KCNN2: variants seen among roughly 807,000 people sequenced by gnomAD.
KCNN2 encodes the protein potassium calcium-activated channel subfamily N member 2, also known as small conductance calcium-activated potassium channel protein 2.
KCNN2 carries 24 observed loss-of-function variants against 55.5 expected under a neutral mutation model. The ratio of observed to expected loss-of-function variants is 0.43; its 90% CI spans 0.31 to 0.61. KCNN2 has a LOEUF of 0.61. KCNN2 is among the 20% of genes least tolerant of loss of function. KCNN2 has a pLI of 0.08. For missense variants in KCNN2, 754 were observed against 853.6 expected (o/e 0.88, Z 1.45); for synonymous variants, 431 against 336.1 (o/e 1.28, Z -3.09).
chr5:114,082,138 C>G (rs1750839800), intron 1 of KCNN2, among the ~76,000 whole-genome samples: 1 of 151,796 alleles, frequency 6.6e-6, no homozygotes, highest in African/African-American at 2.4e-5. Flanking sequence ...CACTTCAGCC[C>G]AAGAGTTTGA....
rs532665381 is a variant in KCNN2, at chr5:114,100,461, ATTG to A, written c.-271+43964_-271+43966del. On this transcript the variant is annotated intron_variant, in intron 1 of 10. Transcript: ENST00000512097. ...TAGGATTAATCAAGGAACTAAGTAT[ATTG>A]TTCATGGAAACCAGTGTTCTCACTG... 2.6e-3 allele frequency among the ~76,000 whole-genome samples: 394 copies of A among 152,260 alleles called. 2 individuals are homozygous for A. Among genetic ancestry groups the A allele is most frequent in the African/African-American group, 8.9e-3 (369 of 41,562 alleles).
chr5:114,295,571 G>C (rs1312866473), intron 2 of KCNN2, among the ~76,000 whole-genome samples: 14 of 152,134 alleles, frequency 9.2e-5, no homozygotes, highest in Admixed American at 9.2e-4. Flanking sequence ...TATTAGGGTG[G>C]GAGTGACCAG....
At chr5:114,445,330 G>A (rs930422379) in intron 3 of KCNN2, among the ~76,000 whole-genome samples, 4 of 152,140 alleles carry the variant, frequency 2.6e-5, no homozygotes, top group South Asian at 2.1e-4. Context: ...AGAAAAAAGG[G>A]GTTATCATGA....
intron 1 of KCNN2, among the ~76,000 whole-genome samples, chr5:114,114,464 C>G (rs1280045538): frequency 6.6e-6 from 1 of 151,956 alleles, no homozygotes; most frequent in East Asian, 1.9e-4. Context: ...GCTTTGAAAC[C>G]CTGGGCTCAA....
rs1010617467 is a variant in KCNN2, at chr5:114,432,812, G to T, written c.1637+27956G>T. ...GCCCTGCCGGCCCGGGCAATGAGGG[G>T]CTTAGCACCTGGGCCAGCGGCTGCG... On this transcript the variant is annotated intron_variant, in intron 3 of 7. Coordinates refer to ENST00000673685, the MANE Select transcript of KCNN2 (RefSeq NM_021614.4). Among the ~76,000 whole-genome samples, 6 of 152,336 alleles carry T rather than the reference G, an allele frequency of 3.9e-5. No homozygotes were observed. The East Asian group carries it at 9.7e-4, about 25-fold the overall frequency.
At chr5:114,288,658 G>T (rs369043110) in intron 2 of KCNN2, among the ~76,000 whole-genome samples, 15 of 152,030 alleles carry the variant, frequency 9.9e-5, no homozygotes, top group African/African-American at 3.4e-4. Flanking sequence ...GTTGTCAATC[G>T]TATATTTTCT....
In KCNN2 at chr5:114,446,425, A is replaced by G. The variant is rs576768870; in HGVS notation, c.1638-16624A>G. The stretch of plus-strand genomic sequence containing the variant: ...TTGGCTCTCTGGTCCTTGCTGTCCA[A>G]CATGGCAGCCAATAACATCATACGG... On this transcript the variant is annotated intron_variant, in intron 3 of 7. Transcript: ENST00000673685. Among the ~76,000 whole-genome samples the G allele has an allele frequency of 1.6e-4, 24 of 152,304 alleles. No homozygotes were observed. The South Asian group carries it at 4.8e-3, about 30-fold the overall frequency.
At chr5:114,090,162 AC>A (rs1010531413) in intron 1 of KCNN2, among the ~76,000 whole-genome samples, 4 of 152,136 alleles carry the variant, frequency 2.6e-5, no homozygotes, top group Non-Finnish European at 1.5e-5. Flanking sequence ...ATTTTTAATG[AC>A]CTAAAATTTA....
chr5:114,084,541 T>C (rs905522074), intron 1 of KCNN2, among the ~76,000 whole-genome samples: 1 of 152,102 alleles, frequency 6.6e-6, no homozygotes, highest in Non-Finnish European at 1.5e-5. Context: ...CATTGAGTTT[T>C]AAGAGTTCTT....
intron 2 of KCNN2, among the ~76,000 whole-genome samples, chr5:114,320,422 G>C (rs956711221): frequency 1.3e-5 from 2 of 151,940 alleles, no homozygotes; most frequent in African/African-American, 2.4e-5. Context: ...GACCATCCTG[G>C]CTAACATGGT....
intron 3 of KCNN2, among the ~76,000 whole-genome samples, chr5:114,429,641 G>A (rs1759731631): frequency 6.6e-6 from 1 of 151,976 alleles, no homozygotes; most frequent in Non-Finnish European, 1.5e-5. Context: ...TCCGTGGATT[G>A]TGCCTTTGGA....
At position 114,250,238 on chromosome 5, in the gene KCNN2, T is replaced by C. The variant is rs865876119; in HGVS notation, c.-185+28673T>C. On this transcript the variant is annotated intron_variant, in intron 2 of 10. Coordinates refer to the KCNN2 transcript ENST00000512097. Reference sequence around the variant, plus strand: ...ATGTTATATTATAAACAAGCTACATTGTTCCTTAACTGATGTGTATCCCCA... The same window carrying C: ...ATGTTATATTATAAACAAGCTACATCGTTCCTTAACTGATGTGTATCCCCA... Among the ~76,000 whole-genome samples the C allele has an allele frequency of 2.0e-5, 3 of 152,240 alleles. 1 individual carries two copies. The highest frequency in any genetic ancestry group is 4.1e-4 in the South Asian group (2 of 4,834).
At chr5:114,331,841 A>G (rs751238422) in intron 2 of KCNN2, among the ~76,000 whole-genome samples, 4 of 152,142 alleles carry the variant, frequency 2.6e-5, no homozygotes, top group Non-Finnish European at 2.9e-5. Context: ...GATAATGCCT[A>G]TTGATGGATT....
intron 2 of KCNN2, among the ~76,000 whole-genome samples, chr5:114,236,111 A>G (rs1754486103): frequency 6.6e-6 from 1 of 152,156 alleles, no homozygotes; most frequent in South Asian, 2.1e-4. Flanking sequence ...TGTGTCATAT[A>G]TACTTTTCTC....
intron 2 of KCNN2, among the ~76,000 whole-genome samples, chr5:114,400,572 C>A (rs1260688807): frequency 6.6e-6 from 1 of 152,178 alleles, no homozygotes; most frequent in Admixed American, 6.5e-5. Flanking sequence ...GTTTGGATAC[C>A]ATGGGTCAAC....
intron 1 of KCNN2, among the ~76,000 whole-genome samples, chr5:114,202,747 T>C (rs1007739811): frequency 5.3e-5 from 8 of 151,498 alleles, no homozygotes; most frequent in Admixed American, 5.3e-4. Context: ...CCACCACGCC[T>C]GGCTAATTTT....
intron 2 of KCNN2, among the ~76,000 whole-genome samples, chr5:114,230,043 C>A (rs1754324417): frequency 6.6e-6 from 1 of 152,064 alleles, no homozygotes; most frequent in East Asian, 1.9e-4. Context: ...AGAAATGGCT[C>A]AAACACACAA....
At chr5:114,306,927 C>G (rs945474348) in intron 2 of KCNN2, among the ~76,000 whole-genome samples, 1 of 152,020 alleles carries the variant, frequency 6.6e-6, no homozygotes, top group African/African-American at 2.4e-5. Context: ...TGGTCTTGAA[C>G]TCCTGACCTC....
Position 114,496,047 on chromosome 5 carries a change from G to C in KCNN2, c.2241G>C (p.Gln747His). The C allele has an allele frequency of 6.2e-7, 1 of 1,614,074 alleles. No individual in the cohort carries two copies. Among genetic ancestry groups the C allele is most frequent in the Non-Finnish European group, 8.5e-7 (1 of 1,179,968 alleles). The change falls in exon 8 of 8, where the codon CAG becomes CAC. Residue 747 changes from glutamine (Q) to histidine (H), a missense_variant. Gln to His is a conservative substitution (Grantham distance 24). Transcript: ENST00000673685. Reference protein sequence around the residue: ...PGLISQTIRQQQRDFIEAQME... With the variant: ...PGLISQTIRQHQRDFIEAQME... ...TCATAAGCCAGACCATCAGGCAGCA[G>C]CAGAGAGATTTCATTGAGGCTCAGA...
Sources: allele counts gnomAD v4.1 joint callset (sites outside exome capture counted in the v4.1 genomes callset), GRCh38; gene constraint gnomAD v4.1.1; transcripts MANE v1.5; gene names NCBI Gene and HGNC (gene_info 2026-07-23, HGNC 2026-07-21).